The following DLG2 variants were observed in gnomAD, a reference collection of about 807,000 sequenced individuals.
DLG2 encodes disks large homolog 2.
In DLG2, 45 loss-of-function variants were observed where a neutral mutation model predicts 132.5. The ratio of observed to expected loss-of-function variants is 0.34; its 90% confidence interval spans 0.27 to 0.44. The LOEUF is 0.44. Among genes scored for constraint, DLG2 ranks in the 20% least tolerant of loss-of-function variants. The probability of loss-of-function intolerance (pLI) is 1.00; values close to 1 mark genes in which losing one functional copy is unlikely to be tolerated. For synonymous variants in DLG2, 424 were observed against 419.6 expected (o/e 1.01, Z -0.13); for missense variants, 1,045 against 1,196.9 (o/e 0.87, Z 1.87).
chr11:84,819,113 G>A (rs1018507076), intron 6 of DLG2, among the ~76,000 whole-genome samples: 14 of 37,214 alleles, frequency 3.8e-4, no homozygotes, highest in African/African-American at 5.7e-4. Flanking sequence ...ACACAATTTC[G>A]TTTGATGCTT....
At chr11:83,670,318 A>T (rs1792717520) in intron 18 of DLG2, among the ~76,000 whole-genome samples, 2 of 152,060 alleles carry the variant, frequency 1.3e-5, no homozygotes. Context: ...GCAGGAAAAA[A>T]TGTCAACAAA....
chr11:84,783,261 A>G (rs1943698), intron 6 of DLG2, among the ~76,000 whole-genome samples: 40,712 of 152,032 alleles, frequency 0.27, 5,995 homozygotes, highest in Middle Eastern at 0.32. Flanking sequence ...CCTGGGTAAA[A>G]CACTTATCCT....
chr11:83,809,814 A>G (rs1565158225), intron 17 of DLG2, among the ~76,000 whole-genome samples: 1 of 152,162 alleles, frequency 6.6e-6, no homozygotes, highest in Non-Finnish European at 1.5e-5. Context: ...AAGAAGCACT[A>G]AGGGGAAAAT....
At chr11:85,093,122 A>C in intron 6 of DLG2, among the ~76,000 whole-genome samples, 1 of 152,158 alleles carries the variant, frequency 6.6e-6, no homozygotes, top group Non-Finnish European at 1.5e-5. Context: ...TTCAAGGGTC[A>C]ACTGCAACGT....
chr11:83,469,481 G>A (rs935315992), intron 24 of DLG2, 108 bp from the exon 25 acceptor site: 6 of 808,458 alleles, frequency 7.4e-6, no homozygotes, highest in East Asian at 2.6e-5. Flanking sequence ...GAAATATGTA[G>A]TATGAAGAAA....
chr11:84,934,440 G>A (rs1279611789), intron 6 of DLG2, among the ~76,000 whole-genome samples: 6 of 149,294 alleles, frequency 4.0e-5, no homozygotes, highest in African/African-American at 1.2e-4. Flanking sequence ...GTTTCAGTAG[G>A]AGTGATACCA....
intron 3 of DLG2, among the ~76,000 whole-genome samples, chr11:85,514,009 C>A (rs1339771810): frequency 1.3e-5 from 2 of 151,966 alleles, no homozygotes; most frequent in African/African-American, 2.4e-5. Flanking sequence ...TGAACACCTT[C>A]TGGGTGTTTT....
At chr11:85,570,239 A>G (rs2077770841) in intron 3 of DLG2, among the ~76,000 whole-genome samples, 1 of 152,222 alleles carries the variant, frequency 6.6e-6, no homozygotes, top group Non-Finnish European at 1.5e-5. Context: ...ATCTGATATT[A>G]TATAATGAAA....
chr11:84,127,568 T>C (rs900039367), intron 9 of DLG2, among the ~76,000 whole-genome samples: 5 of 152,192 alleles, frequency 3.3e-5, no homozygotes, highest in Non-Finnish European at 4.4e-5. Flanking sequence ...TTCCTTGGCT[T>C]GGCAGATGCA....
intron 5 of DLG2, 25 bp downstream of exon 5, chr11:85,154,531 G>A: frequency 8.6e-7 from 1 of 1,166,186 alleles, no homozygotes; most frequent in Non-Finnish European, 1.2e-6. Context: ...AGCCTAGTAA[G>A]AAAAGAAAAC....
chr11:83,715,486 C>G (rs990306376), intron 18 of DLG2, among the ~76,000 whole-genome samples: 1 of 152,194 alleles, frequency 6.6e-6, no homozygotes, highest in African/African-American at 2.4e-5. Flanking sequence ...GAGCAGCCAG[C>G]TGAGGCCTAT....
intron 11 of DLG2, among the ~76,000 whole-genome samples, chr11:84,034,864 C>T (rs967300248): frequency 6.6e-6 from 1 of 152,158 alleles, no homozygotes; most frequent in African/African-American, 2.4e-5. Flanking sequence ...TTCTGGGGAA[C>T]ATTTTGCAGA....
Position 83,906,257 on chromosome 11 carries a change from TCACACACACACACACACA to T in DLG2, c.1496+24053_1496+24070del, listed in dbSNP as rs540642615. Among the ~76,000 whole-genome samples, 111 of 67,142 alleles carry T rather than the reference TCACACACACACACACACA, an allele frequency of 1.7e-3. 2 individuals are homozygous for T. The highest frequency in any genetic ancestry group is 0.017 in the Middle Eastern group (1 of 60). The allele number at this position is 67,142 out of a possible 152,430, so 44.0% of individuals were successfully genotyped here. A position where few individuals can be genotyped will look rare whatever the true frequency, so the allele number is the denominator to read the frequency against. On this transcript the variant is annotated intron_variant, in intron 15 of 27. Coordinates refer to ENST00000376104, the MANE Select transcript of DLG2 (RefSeq NM_001142699.3). ...GTCTCTCTCTCTCTCTCTCTCTCTC[TCACACACACACACACACA>T]CACACACACACACACACACACACAC... is the stretch of plus-strand genomic sequence containing the variant.
chr11:85,520,515 CCACACA>C (rs3068471), intron 3 of DLG2, among the ~76,000 whole-genome samples: 2 of 148,036 alleles, frequency 1.4e-5, no homozygotes, highest in Non-Finnish European at 3.0e-5. Context: ...GTATATGGAA[CCACACA>C]CACACACACA....
chr11:83,514,355 C>G (rs975960321), intron 21 of DLG2, among the ~76,000 whole-genome samples: 1 of 152,098 alleles, frequency 6.6e-6, no homozygotes, highest in Non-Finnish European at 1.5e-5. Context: ...TATAAGAATG[C>G]TTGTGATTTT....
chr11:85,624,003 T>C (rs191666823), intron 2 of DLG2, among the ~76,000 whole-genome samples: 3 of 152,260 alleles, frequency 2.0e-5, no homozygotes, highest in African/African-American at 7.2e-5. Flanking sequence ...AGGGCTCACC[T>C]GGGAGCAAAT....
At chr11:85,484,500 T>G (rs1238866310) in intron 3 of DLG2, among the ~76,000 whole-genome samples, 1 of 149,854 alleles carries the variant, frequency 6.7e-6, no homozygotes, top group Non-Finnish European at 1.5e-5. Flanking sequence ...CAAACAAATT[T>G]ACAAGAAAAA....
chr11:85,480,366 A>G (rs556529500), intron 3 of DLG2, among the ~76,000 whole-genome samples: 37 of 152,304 alleles, frequency 2.4e-4, no homozygotes, highest in African/African-American at 8.2e-4. Flanking sequence ...AGGAGAAAAC[A>G]CAAGTACATT....
intron 3 of DLG2, among the ~76,000 whole-genome samples, chr11:85,512,701 G>A (rs1234688493): frequency 1.3e-5 from 2 of 152,034 alleles, no homozygotes; most frequent in Non-Finnish European, 2.9e-5. Context: ...ACAGATGTTG[G>A]TGAGGTTGCA....
Sources: allele counts gnomAD v4.1 joint callset (sites outside exome capture counted in the v4.1 genomes callset), GRCh38; gene constraint gnomAD v4.1.1; transcripts MANE v1.5; gene names NCBI Gene and HGNC (gene_info 2026-07-23, HGNC 2026-07-21).